Variants in ECI1 observed in about 807,000 individuals in gnomAD.
ECI1 encodes enoyl-CoA delta isomerase 1, also known as enoyl-CoA delta isomerase 1, mitochondrial.
In ECI1, 34 loss-of-function variants were observed where a neutral mutation model predicts 34.2. That is an observed-to-expected ratio of 1.00 (90% CI 0.76 to 1.33). The LOEUF is 1.33. Among genes scored for constraint, ECI1 ranks in the 40% most tolerant of loss-of-function variants. The probability of loss-of-function intolerance (pLI) is 0.00; values close to 1 mark genes in which losing one functional copy is unlikely to be tolerated. For missense variants in ECI1, 456 were observed against 422.2 expected (o/e 1.08, Z -0.70); for synonymous variants, 211 against 193.0 (o/e 1.09, Z -0.77).
At chr16:2,240,217 ATTTTTAT>A in intron 6 of ECI1, 72 bp from the exon 7 acceptor site, 5 of 1,358,882 alleles carry the variant, frequency 3.7e-6, no homozygotes, top group South Asian at 2.6e-5. Context: ...CTTATTTTTT[ATTTTTAT>A]TTTTTGAGAC....
chr16:2,246,305 G>A (rs1049275233), intron 3 of ECI1, among the ~76,000 whole-genome samples: 2 of 152,222 alleles, frequency 1.3e-5, no homozygotes, highest in Admixed American at 6.5e-5. Flanking sequence ...GGCCCACAGA[G>A]GATCAGAGAG....
intron 3 of ECI1, 55 bp downstream of exon 3, chr16:2,246,804 C>T: frequency 2.5e-6 from 4 of 1,610,036 alleles, no homozygotes; most frequent in Non-Finnish European, 3.4e-6. Flanking sequence ...GGGCTCACAT[C>T]AGAGAACTCA....
At chr16:2,244,681 C>T in intron 3 of ECI1, 129 bp from the exon 4 acceptor site, 1 of 991,440 alleles carries the variant, frequency 1.0e-6, no homozygotes, top group Non-Finnish European at 1.5e-6. Flanking sequence ...GTGGGTGCTG[C>T]CCCACAGAGC....
chr16:2,247,090 T>C (rs2093542223), intron 2 of ECI1, 104 bp from the exon 3 acceptor site: 4 of 1,362,438 alleles, frequency 2.9e-6, no homozygotes, highest in Non-Finnish European at 4.0e-6. Flanking sequence ...ATTTTGGGGG[T>C]TTTATTTATT....
In ECI1 at chr16:2,243,361, T is replaced by C. The variant is rs181584902; in HGVS notation, c.520A>G (p.Ile174Val). Residue 174 changes from isoleucine (I) to valine (V), a missense_variant, in exon 5 of 7, where the codon ATA becomes GTA. Transcript: ENST00000301729. ...CCCAGCTGGGTCTCATTGAGTCCTA[T>C]GCAGTACCTGGGGTTGTCCGCCAGG... ...RILADNPRYCIGLNETQLGII... is the reference protein window; with the variant it reads ...RILADNPRYCVGLNETQLGII... 3.3e-5 allele frequency: 53 copies of C among 1,613,760 alleles called. No homozygotes were observed. In the Admixed American group the frequency reaches 6.8e-4, roughly 21 times the overall value.
rs895478439 is a variant in ECI1 at position 2,240,034 on chromosome 16, G to C, written c.854C>G (p.Ser285Cys). The change falls in exon 7 of 7, where the codon TCC becomes TGC. Residue 285 changes from serine (S) to cysteine (C), a missense_variant. Physicochemically the swap from Ser to Cys is moderately radical, Grantham distance 112 (BLOSUM62 -1). Transcript: ENST00000301729. The stretch of plus-strand genomic sequence containing the variant: ...GTACATCTGCAGGGACTTCTGGATG[G>C]AGTCTTTGGAGATGAAGCTGACGAA... Reference protein sequence around the residue: ...QNFVSFISKDSIQKSLQMYLE... With the variant: ...QNFVSFISKDCIQKSLQMYLE... The C allele has an allele frequency of 1.9e-6, 3 of 1,613,862 alleles. No individual in the cohort carries two copies. Among genetic ancestry groups the C allele is most frequent in the Admixed American group, 1.7e-5 (1 of 59,998 alleles).
At chr16:2,250,539 T>C (rs1337267339) in intron 2 of ECI1, among the ~76,000 whole-genome samples, 2 of 152,042 alleles carry the variant, frequency 1.3e-5, no homozygotes, top group Non-Finnish European at 2.9e-5. Flanking sequence ...GAGGTCCAGG[T>C]CAGCATGTCC....
At chr16:2,249,876 CAAAAAAAAAAAAAAAAAAAAA>C (rs869259386) in intron 2 of ECI1, among the ~76,000 whole-genome samples, 1 of 20,350 alleles carries the variant, frequency 4.9e-5, no homozygotes, top group Non-Finnish European at 7.6e-5. Context: ...GACTCCGTCT[CAAAAAAAAAAAAAAAAAAAAA>C]AAAAAAAAGA....
At chr16:2,249,695 C>A (rs2093548210) in intron 2 of ECI1, among the ~76,000 whole-genome samples, 1 of 149,656 alleles carries the variant, frequency 6.7e-6, no homozygotes, top group African/African-American at 2.4e-5. Flanking sequence ...CATGGTGAAA[C>A]CCCGTCTCCA....
chr16:2,244,954 A>T (rs966907204), intron 3 of ECI1, among the ~76,000 whole-genome samples: 1 of 152,178 alleles, frequency 6.6e-6, no homozygotes, highest in South Asian at 2.1e-4. Flanking sequence ...GGGCCAAGCA[A>T]GCCAGGGACC....
chr16:2,250,985 TC>T (rs1244260931), intron 2 of ECI1, among the ~76,000 whole-genome samples: 2 of 152,060 alleles, frequency 1.3e-5, no homozygotes, highest in Non-Finnish European at 2.9e-5. Context: ...CTAATTTTTT[TC>T]TTTTGTATTT....
chr16:2,249,041 A>T (rs991784450), intron 2 of ECI1, among the ~76,000 whole-genome samples: 4 of 151,388 alleles, frequency 2.6e-5, no homozygotes, highest in African/African-American at 7.3e-5. Context: ...TATTTATTTT[A>T]TTTAATTAAT....
chr16:2,249,298 C>G (rs1038113467), intron 2 of ECI1, among the ~76,000 whole-genome samples: 1 of 151,800 alleles, frequency 6.6e-6, no homozygotes, highest in East Asian at 2.0e-4. Flanking sequence ...ATCCGCGCAC[C>G]CTGGCCTCCC....
intron 2 of ECI1, among the ~76,000 whole-genome samples, chr16:2,248,665 C>T (rs188690784): frequency 3.3e-5 from 5 of 152,294 alleles, no homozygotes; most frequent in Non-Finnish European, 5.9e-5. Context: ...CCTCCTGCCT[C>T]GGCCTCCCAA....
intron 3 of ECI1, among the ~76,000 whole-genome samples, chr16:2,245,445 T>C (rs2093538149): frequency 6.6e-6 from 1 of 152,218 alleles, no homozygotes; most frequent in African/African-American, 2.4e-5. Flanking sequence ...CCTCAGGCGA[T>C]GTGAAAAAGC....
chr16:2,243,275 C>T (rs769900499), intron 5 of ECI1, 43 bp downstream of exon 5: 1 of 1,613,424 alleles, frequency 6.2e-7, no homozygotes, highest in Admixed American at 1.7e-5. Context: ...GGTCTGTTCC[C>T]TCCACAACAA....
At chr16:2,251,472 G>A in intron 1 of ECI1, 43 bp from the exon 2 acceptor site, 1 of 1,537,594 alleles carries the variant, frequency 6.5e-7, no homozygotes. Context: ...CCCGGTCCTG[G>A]CCCCGGCCCC....
intron 2 of ECI1, among the ~76,000 whole-genome samples, chr16:2,248,269 G>C (rs1043062717): frequency 1.3e-5 from 2 of 151,652 alleles, no homozygotes; most frequent in Admixed American, 1.3e-4. Context: ...GCTAATTTTT[G>C]TATTTTTAGT....
rs1347454824 is a variant in ECI1, at chr16:2,240,570, C to T, written c.743-425G>A. 10 of 252,878 alleles carry T rather than the reference C, an allele frequency of 4.0e-5. No homozygotes were observed. In the East Asian group the frequency reaches 9.1e-4, roughly 23 times the overall value. The allele number at this position is 252,878 out of a possible 1,614,324, so 15.7% of individuals were successfully genotyped here. ...GACAGGATATTCTCTGTCGCCCATACTGGAGTGCACTAGTGATCACGACTC... is the reference window on the plus strand; with the variant it reads ...GACAGGATATTCTCTGTCGCCCATATTGGAGTGCACTAGTGATCACGACTC... On this transcript the variant is annotated intron_variant, in intron 6 of 6. Coordinates refer to ENST00000301729, the MANE Select transcript of ECI1 (RefSeq NM_001919.4).
Sources: gnomAD v4.1 joint callset for allele counts (sites outside exome capture counted in the v4.1 genomes callset) on GRCh38, gnomAD v4.1.1 for gene constraint, MANE v1.5 for transcripts, NCBI Gene and HGNC (gene_info 2026-07-23, HGNC 2026-07-21) for gene names.